The following ITGB5 variants were observed in gnomAD, a reference collection of about 807,000 sequenced individuals.
ITGB5 encodes integrin subunit beta 5, also known as integrin beta-5.
ITGB5 carries 38 observed loss-of-function variants against 84.8 expected under a neutral mutation model. The ratio of observed to expected loss-of-function variants is 0.45; its 90% CI spans 0.35 to 0.59. The LOEUF (loss-of-function observed/expected upper bound fraction) is 0.59. ITGB5 is among the 20% of genes least tolerant of loss of function. The pLI is 0.01. For missense variants in ITGB5, 905 were observed against 1,034.5 expected, an observed-to-expected ratio of 0.87 and a Z score of 1.72; for synonymous variants, 393 against 414.4, an observed-to-expected ratio of 0.95 and a Z score of 0.63.
At chr3:124,870,300 A>C (rs906643465) in intron 2 of ITGB5, among the ~76,000 whole-genome samples, 2 of 152,258 alleles carry the variant, frequency 1.3e-5, no homozygotes, top group African/African-American at 4.8e-5. Context: ...AGAAGCACAG[A>C]GTACACGGAG....
intron 3 of ITGB5, among the ~76,000 whole-genome samples, chr3:124,850,004 G>A (rs930025493): frequency 7.9e-5 from 12 of 151,856 alleles, no homozygotes; most frequent in Non-Finnish European, 4.4e-5. Context: ...TGTGTGTAGA[G>A]GCACAACAGC....
In ITGB5 at chr3:124,859,357, T is replaced by C; in HGVS notation, c.246A>G (p.Pro82=). ...TCCTCAGGACATGGAAGCTGCTGGC[T>C]GGGCTCTCTATCTCACCTCCACAGC... ...KNGCGGEIES[P]ASSFHVLRSL... Residue 82 remains proline (P), a synonymous_variant, in exon 3 of 15, where the codon CCA becomes CCG. Coordinates refer to ENST00000296181, the MANE Select transcript of ITGB5 (RefSeq NM_002213.5). 1 of 1,614,178 alleles carries C rather than the reference T, an allele frequency of 6.2e-7. No homozygotes were observed. The highest frequency in any genetic ancestry group is 1.1e-5 in the South Asian group (1 of 91,078).
chr3:124,852,257 C>T (rs887075268), intron 3 of ITGB5, among the ~76,000 whole-genome samples: 4 of 152,168 alleles, frequency 2.6e-5, no homozygotes, highest in African/African-American at 7.2e-5. Flanking sequence ...CCTTCCCTCT[C>T]CACTTAGGGT....
chr3:124,813,322 T>C (rs1337192432), intron 8 of ITGB5, among the ~76,000 whole-genome samples: 1 of 152,208 alleles, frequency 6.6e-6, no homozygotes, highest in Non-Finnish European at 1.5e-5. Flanking sequence ...GTGAGGATTT[T>C]TCCCCCACAC....
intron 11 of ITGB5, among the ~76,000 whole-genome samples, chr3:124,771,748 C>CAAAAAAAAA (rs59189728): frequency 1.7e-4 from 12 of 69,174 alleles, no homozygotes; most frequent in Non-Finnish European, 3.2e-4. Flanking sequence ...GACCCTGTCT[C>CAAAAAAAAA]AAAAAAAAAA....
chr3:124,783,350 A>G (rs60809499), intron 10 of ITGB5, among the ~76,000 whole-genome samples: 21 of 152,046 alleles, frequency 1.4e-4, no homozygotes, highest in African/African-American at 5.1e-4. Context: ...GAGCATGTTC[A>G]AAAGCTGACC....
chr3:124,852,588 C>T (rs2107609396), intron 3 of ITGB5, among the ~76,000 whole-genome samples: 1 of 152,252 alleles, frequency 6.6e-6, no homozygotes, highest in East Asian at 1.9e-4. Flanking sequence ...GCTTTCTTCT[C>T]TTTGCCTTCC....
chr3:124,820,042 T>C lies in ITGB5; in HGVS notation c.943-208A>G, dbSNP rs572775682. ...GGAGACCCTCAAGGAAAGGACCCTCTGGCATTCACCAAACTAGATTCACTC... is the reference window on the plus strand; with the variant it reads ...GGAGACCCTCAAGGAAAGGACCCTCCGGCATTCACCAAACTAGATTCACTC... On this transcript the variant is annotated intron_variant, in intron 6 of 14. Transcript: ENST00000296181. Among the ~76,000 whole-genome samples, 113 of 152,304 alleles carry C rather than the reference T, an allele frequency of 7.4e-4. 1 individual carries two copies. Among genetic ancestry groups the C allele is most frequent in the Middle Eastern group, 3.4e-3 (1 of 294 alleles).
At chr3:124,856,911 T>C (rs1353540309) in intron 3 of ITGB5, among the ~76,000 whole-genome samples, 1 of 152,184 alleles carries the variant, frequency 6.6e-6, no homozygotes, top group African/African-American at 2.4e-5. Flanking sequence ...TCTGTAAGAG[T>C]TCCCTTCCTT....
chr3:124,814,497 GAC>G (rs1295594619), intron 8 of ITGB5, among the ~76,000 whole-genome samples: 1 of 144,366 alleles, frequency 6.9e-6, no homozygotes. Context: ...AAAAAAAAGA[GAC>G]AGAGTCTCAC....
intron 11 of ITGB5, among the ~76,000 whole-genome samples, chr3:124,771,272 C>T (rs2063839687): frequency 6.6e-6 from 1 of 152,122 alleles, no homozygotes; most frequent in Non-Finnish European, 1.5e-5. Context: ...ACTGGCTGCC[C>T]TGAAACCCCC....
intron 6 of ITGB5, among the ~76,000 whole-genome samples, chr3:124,820,213 T>C (rs1257189143): frequency 6.6e-6 from 1 of 152,204 alleles, no homozygotes; most frequent in African/African-American, 2.4e-5. Context: ...GCCTCTTACC[T>C]GTCCTCTCTC....
intron 3 of ITGB5, among the ~76,000 whole-genome samples, chr3:124,854,796 C>T (rs564690501): frequency 1.3e-5 from 2 of 152,248 alleles, no homozygotes; most frequent in African/African-American, 4.8e-5. Flanking sequence ...TAAAAAATGT[C>T]CTGCTTAAAG....
intron 2 of ITGB5, among the ~76,000 whole-genome samples, chr3:124,861,495 T>TATATATATATATACACAC (rs750712591): frequency 4.5e-5 from 5 of 111,990 alleles, no homozygotes; most frequent in African/African-American, 1.9e-4. Flanking sequence ...TATATATATA[T>TATATATATATATACACAC]ACACACACAC....
chr3:124,894,128 A>ATTTTTT (rs1464038480), intron 1 of ITGB5, among the ~76,000 whole-genome samples: 1 of 61,952 alleles, frequency 1.6e-5, no homozygotes, highest in Non-Finnish European at 3.5e-5. Context: ...AAGTTGTGAT[A>ATTTTTT]TTTTTCTTTT....
chr3:124,773,427 A>G (rs2063877083), intron 11 of ITGB5, among the ~76,000 whole-genome samples: 1 of 152,222 alleles, frequency 6.6e-6, no homozygotes, highest in African/African-American at 2.4e-5. Context: ...TGATTTCGTG[A>G]TTTCTAAACG....
At chr3:124,841,687 G>C in intron 4 of ITGB5, 136 bp from the exon 5 acceptor site, 1 of 737,132 alleles carries the variant, frequency 1.4e-6, no homozygotes, top group Non-Finnish European at 2.2e-6. Context: ...CCCAGGACAG[G>C]CACAGCAGAG....
rs760796970 is a variant in ITGB5, at chr3:124,796,617, CT to C, written c.1463del (p.Glu488GlyfsTer178). ...TGGTGCCCAGGTAGCCGGGGCTGCA[CT>C]CACACAGGCCGCAGACATAGGTCCC... ...GSGTYVCGLC[E>X]CSPGYLGTRC... is the part of the protein sequence containing the mutation. On this transcript the variant is annotated frameshift_variant, in exon 10 of 15. Transcript: ENST00000296181. LOFTEE classifies it high-confidence loss of function. 6.2e-7 allele frequency: 1 copy of C among 1,614,144 alleles called. No homozygotes were observed. Among genetic ancestry groups the C allele is most frequent in the Non-Finnish European group, 8.5e-7 (1 of 1,180,020 alleles).
At chr3:124,886,424 C>T (rs571778192) in intron 1 of ITGB5, among the ~76,000 whole-genome samples, 2 of 152,262 alleles carry the variant, frequency 1.3e-5, no homozygotes, top group East Asian at 3.9e-4. Context: ...CGCTGTGGGC[C>T]CTGTGCACCC....
Sources: allele counts gnomAD v4.1 joint callset (sites outside exome capture counted in the v4.1 genomes callset), GRCh38; gene constraint gnomAD v4.1.1; transcripts MANE v1.5; gene names NCBI Gene and HGNC (gene_info 2026-07-23, HGNC 2026-07-21).